The following WRNIP1 variants were observed in gnomAD, a reference collection of about 807,000 sequenced individuals.
WRNIP1 encodes ATPase WRNIP1.
Under a neutral mutation model 56.1 loss-of-function variants are expected in WRNIP1, and 41 were observed. That is an observed-to-expected ratio of 0.73 (90% confidence interval 0.57 to 0.95). The LOEUF is 0.95. Among genes scored for constraint, WRNIP1 ranks in the 40% least tolerant of loss-of-function variants. WRNIP1 has a pLI of 0.00. For synonymous variants in WRNIP1, 547 were observed against 398.1 expected (o/e 1.37, Z -4.45); for missense variants, 1,170 against 939.4 (o/e 1.25, Z -3.21).
At position 2,765,432 on chromosome 6, in the gene WRNIP1, G is replaced by T. The variant is rs1037150056; in HGVS notation, c.-191G>T. 20 of 589,058 alleles carry T rather than the reference G, an allele frequency of 3.4e-5. No homozygotes were observed. The Admixed American group carries it at 9.1e-4, about 27-fold the overall frequency. 36.5% of individuals were successfully genotyped at this position (589,058 alleles called of 1,614,324 possible). A position where few individuals can be genotyped will look rare whatever the true frequency, so the allele number is the denominator to read the frequency against. On this transcript the variant is annotated 5_prime_UTR_variant, in exon 1 of 7. Coordinates refer to ENST00000380773, the MANE Select transcript of WRNIP1 (RefSeq NM_020135.3). ...GCCGCGTGAGGCGCTGCCAGCGGCC[G>T]GCCGAGGGCGGGCGGACGCGGGAGC... is the stretch of plus-strand genomic sequence containing the variant.
At chr6:2,773,260 G>A (rs900219257) in intron 3 of WRNIP1, 7 of 985,278 alleles carry the variant, frequency 7.1e-6, no homozygotes, top group African/African-American at 1.7e-5. Context: ...ATTGGCTGAG[G>A]GTTGAAAAGC....
At chr6:2,770,758 G>C (rs971338464) in intron 3 of WRNIP1, among the ~76,000 whole-genome samples, 3 of 151,912 alleles carry the variant, frequency 2.0e-5, no homozygotes, top group African/African-American at 7.3e-5. Context: ...ACTCTTTTGA[G>C]CATTGTACTC....
rs192242728 is a variant in WRNIP1 at position 2,768,492 on chromosome 6, C to T, written c.823-199C>T. Among the ~76,000 whole-genome samples, 6 of 152,328 alleles carry T rather than the reference C, an allele frequency of 3.9e-5. No homozygotes were observed. In the East Asian group the frequency reaches 1.2e-3, roughly 29 times the overall value. ...ATTAGCCTAAGGTTTAGCTACTTTCCTGTTTTATTTATAATATTTTTGTTG... is the reference window on the plus strand; with the variant it reads ...ATTAGCCTAAGGTTTAGCTACTTTCTTGTTTTATTTATAATATTTTTGTTG... On this transcript the variant is annotated intron_variant, in intron 1 of 6. Transcript: ENST00000380773.
At chr6:2,782,787 G>T (rs1373274652) in intron 4 of WRNIP1, among the ~76,000 whole-genome samples, 1 of 152,198 alleles carries the variant, frequency 6.6e-6, no homozygotes, top group African/African-American at 2.4e-5. Context: ...AGACCAGGCG[G>T]TGAGAGAGTG....
chr6:2,777,176 T>C (rs935341897), intron 3 of WRNIP1, among the ~76,000 whole-genome samples: 2 of 152,220 alleles, frequency 1.3e-5, no homozygotes, highest in South Asian at 4.1e-4. Flanking sequence ...CTCTATACTT[T>C]CCATATAATT....
intron 4 of WRNIP1, among the ~76,000 whole-genome samples, chr6:2,781,958 G>T (rs1561916451): frequency 6.6e-6 from 1 of 152,252 alleles, no homozygotes; most frequent in Non-Finnish European, 1.5e-5. Flanking sequence ...TGGTCCCAGA[G>T]CCTGTGCTCT....
intron 4 of WRNIP1, among the ~76,000 whole-genome samples, chr6:2,781,403 A>G (rs1765557767): frequency 6.6e-6 from 1 of 152,266 alleles, no homozygotes; most frequent in East Asian, 1.9e-4. Context: ...ATCCGCAGAC[A>G]CATAAATATC....
Position 2,785,928 on chromosome 6 carries a change from A to C in WRNIP1, c.*646A>C, listed in dbSNP as rs1203129297. 6.5e-6 allele frequency: 1 copy of C among 152,754 alleles called. No individual in the cohort carries two copies. Among genetic ancestry groups the C allele is most frequent in the East Asian group, 1.9e-4 (1 of 5,194 alleles). 9.5% of individuals were successfully genotyped at this position (152,754 alleles called of 1,614,324 possible). ...TCTGATCTCTTTAAAGGAATACATA[A>C]AGGAATTCTTTAAATGGCTTGTGGA... On this transcript the variant is annotated 3_prime_UTR_variant, in exon 7 of 7. Transcript: ENST00000380773.
At chr6:2,769,564 T>C (rs1397675606) in intron 2 of WRNIP1, among the ~76,000 whole-genome samples, 1 of 152,188 alleles carries the variant, frequency 6.6e-6, no homozygotes, top group East Asian at 1.9e-4. Context: ...ACTGAGCCTT[T>C]TTTGAACCTT....
chr6:2,784,071 G>C (rs1445101598), intron 5 of WRNIP1, among the ~76,000 whole-genome samples: 1 of 152,158 alleles, frequency 6.6e-6, no homozygotes, highest in Non-Finnish European at 1.5e-5. Flanking sequence ...GTTATACAGA[G>C]ACTCATGTTT....
intron 3 of WRNIP1, among the ~76,000 whole-genome samples, chr6:2,778,157 G>C (rs1374545095): frequency 2.0e-5 from 3 of 152,174 alleles, no homozygotes; most frequent in Admixed American, 6.5e-5. Flanking sequence ...CAGGCAAGCT[G>C]GGTCCCCTTC....
At chr6:2,766,800 A>C (rs1034805226) in intron 1 of WRNIP1, among the ~76,000 whole-genome samples, 3 of 147,708 alleles carry the variant, frequency 2.0e-5, no homozygotes, top group Non-Finnish European at 4.4e-5. Flanking sequence ...ATTCGCAAGG[A>C]ATCAGCATGT....
Position 2,785,032 on chromosome 6 carries a change from A to G in WRNIP1, c.1748A>G (p.Tyr583Cys), listed in dbSNP as rs200618121. 41 of 1,613,978 alleles carry G rather than the reference A, an allele frequency of 2.5e-5. No homozygotes were observed. The highest frequency in any genetic ancestry group is 3.3e-5 in the Admixed American group (2 of 60,006). Residue 583 changes from tyrosine (Y) to cysteine (C), a missense_variant, in exon 7 of 7, where the codon TAC becomes TGC. Tyr to Cys is a radical substitution (Grantham distance 194). Transcript: ENST00000380773. ...CEVLLAQCVV[Y>C]FARAPKSIEV... ...GTGCTTCTGGCCCAGTGTGTGGTCT[A>G]CTTTGCCAGAGCCCCAAAGTCCATT...
chr6:2,784,066 A>T (rs967274632), intron 5 of WRNIP1, among the ~76,000 whole-genome samples: 1 of 152,204 alleles, frequency 6.6e-6, no homozygotes, highest in Admixed American at 6.5e-5. Context: ...TGTTTGTTAT[A>T]CAGAGACTCA....
intron 1 of WRNIP1, among the ~76,000 whole-genome samples, chr6:2,766,697 A>G (rs1765016011): frequency 6.6e-6 from 1 of 152,178 alleles, no homozygotes; most frequent in South Asian, 2.1e-4. Flanking sequence ...CTGTGAATCC[A>G]TAGTTTTACA....
rs535583945 is a variant in WRNIP1, at chr6:2,785,481, G to A, written c.*199G>A. ...TTTGAAATTGTGTTCATTTGCACTC[G>A]GTGCAGCGGTTATGCTTATGAAAAT... is the stretch of plus-strand genomic sequence containing the variant. On this transcript the variant is annotated 3_prime_UTR_variant, in exon 7 of 7. Transcript: ENST00000380773. 1.7e-5 allele frequency: 10 copies of A among 603,860 alleles called. No homozygotes were observed. The highest frequency in any genetic ancestry group is 1.1e-4 in the African/African-American group (6 of 54,138). The allele number at this position is 603,860 out of a possible 1,614,324, so 37.4% of individuals were successfully genotyped here.
At chr6:2,767,042 C>G (rs756755981) in intron 1 of WRNIP1, among the ~76,000 whole-genome samples, 7 of 152,138 alleles carry the variant, frequency 4.6e-5, no homozygotes, top group Non-Finnish European at 8.8e-5. Flanking sequence ...AAAACTTTTT[C>G]ATCTGCAAGT....
At position 2,783,726 on chromosome 6, in the gene WRNIP1, CTT is replaced by C. The variant is rs901569112; in HGVS notation, c.1642+167_1642+168del. On this transcript the variant is annotated intron_variant, in intron 5 of 6. Transcript: ENST00000380773. ...GTGAGACTGGCAGGAGAAGATAAGA[CTT>C]TATGCCTGAGCTCAGTCGTTTATTT... Among the ~76,000 whole-genome samples, 8 of 136,434 alleles carry C rather than the reference CTT, an allele frequency of 5.9e-5. No individual in the cohort carries two copies. In the East Asian group the frequency reaches 1.2e-3, roughly 21 times the overall value. The allele number at this position is 136,434 out of a possible 152,430, so 89.5% of individuals were successfully genotyped here.
rs1050035845 is a variant in WRNIP1, at chr6:2,765,411, C to A, written c.-212C>A. ...ACGAACTACACTTCCCGACACGCCG[C>A]GTGAGGCGCTGCCAGCGGCCGGCCG... is the stretch of plus-strand genomic sequence containing the variant. On this transcript the variant is annotated 5_prime_UTR_variant, in exon 1 of 7. Transcript: ENST00000380773. The A allele has an allele frequency of 1.8e-5, 8 of 448,388 alleles. No individual in the cohort carries two copies. Among genetic ancestry groups the A allele is most frequent in the African/African-American group, 1.5e-4 (7 of 48,250 alleles). The allele number at this position is 448,388 out of a possible 1,614,324, so 27.8% of individuals were successfully genotyped here.
Sources: gnomAD v4.1 joint callset for allele counts (sites outside exome capture counted in the v4.1 genomes callset) on GRCh38, gnomAD v4.1.1 for gene constraint, MANE v1.5 for transcripts, NCBI Gene and HGNC (gene_info 2026-07-23, HGNC 2026-07-21) for gene names.